Variants in MEGF11 observed in about 807,000 individuals in gnomAD.
The protein encoded by MEGF11 is multiple epidermal growth factor-like domains protein 11.
In MEGF11, 126 loss-of-function variants were observed where a neutral mutation model predicts 146.6. The ratio of observed to expected loss-of-function variants is 0.86; its 90% CI spans 0.74 to 1.00. The LOEUF (loss-of-function observed/expected upper bound fraction) is 1.00. Ranked by LOEUF, MEGF11 falls within the 50% of genes least tolerant of loss-of-function variation. The pLI is 0.00. For synonymous variants in MEGF11, 532 were observed against 583.4 expected, an observed-to-expected ratio of 0.91 and a Z score of 1.27; for missense variants, 1,509 against 1,521.2, an observed-to-expected ratio of 0.99 and a Z score of 0.13.
intron 1 of MEGF11, among the ~76,000 whole-genome samples, chr15:66,151,699 C>G (rs1253485784): frequency 6.6e-6 from 1 of 152,172 alleles, no homozygotes; most frequent in Non-Finnish European, 1.5e-5. Context: ...TTGTTTCCAG[C>G]AGACAAGAGC....
chr15:65,970,737 A>G (rs771447160), intron 7 of MEGF11, 48 bp from the exon 8 acceptor site: 1 of 1,564,190 alleles, frequency 6.4e-7, no homozygotes, highest in Middle Eastern at 1.8e-4. Flanking sequence ...CAGAAATGCC[A>G]AACTTTCCTG....
intron 5 of MEGF11, among the ~76,000 whole-genome samples, chr15:66,055,909 G>C (rs2084656776): frequency 6.6e-6 from 1 of 152,182 alleles, no homozygotes; most frequent in East Asian, 1.9e-4. Context: ...AGAGTCAGGA[G>C]AATGGGCTTT....
At chr15:65,974,924 C>T (rs2081402456) in intron 7 of MEGF11, among the ~76,000 whole-genome samples, 1 of 151,980 alleles carries the variant, frequency 6.6e-6, no homozygotes, top group East Asian at 1.9e-4. Context: ...CGGCTCATGG[C>T]AACCTCCACC....
At chr15:66,179,363 C>G (rs935989000) in intron 1 of MEGF11, among the ~76,000 whole-genome samples, 2 of 152,196 alleles carry the variant, frequency 1.3e-5, no homozygotes, top group African/African-American at 2.4e-5. Flanking sequence ...GAACTCCTGA[C>G]TTCAGGTGAT....
chr15:65,922,662 C>T (rs1008018468), intron 14 of MEGF11, among the ~76,000 whole-genome samples, 161 bp downstream of exon 14: 15 of 152,170 alleles, frequency 9.9e-5, no homozygotes, highest in African/African-American at 3.6e-4. Flanking sequence ...GGCTGGGCCC[C>T]AAACCTGGGG....
intron 19 of MEGF11, among the ~76,000 whole-genome samples, chr15:65,914,341 C>T (rs2078920877): frequency 1.3e-5 from 2 of 152,076 alleles, no homozygotes. Context: ...GGTAATGTGC[C>T]CAAGATTACA....
intron 20 of MEGF11, 88 bp from the exon 21 acceptor site, chr15:65,912,288 T>A: frequency 1.3e-6 from 1 of 792,298 alleles, no homozygotes; most frequent in Non-Finnish European, 1.7e-6. Flanking sequence ...CTGGGAGCCT[T>A]GAGAGAGCCC....
intron 1 of MEGF11, among the ~76,000 whole-genome samples, chr15:66,150,863 AGAGAGAGG>A (rs1432557142): frequency 5.6e-5 from 8 of 142,068 alleles, no homozygotes; most frequent in East Asian, 2.2e-4. Flanking sequence ...AGAGAGAGAG[AGAGAGAGG>A]AAAGAATTTT....
chr15:65,996,360 C>G (rs948865419), intron 5 of MEGF11, among the ~76,000 whole-genome samples: 5 of 152,204 alleles, frequency 3.3e-5, no homozygotes, highest in African/African-American at 1.2e-4. Flanking sequence ...CAAACCAATA[C>G]AGCAAATGAG....
At chr15:66,218,992 A>AAAAAAAAAAAAAAAAAAAAAAAAT (rs1163004634) in intron 1 of MEGF11, among the ~76,000 whole-genome samples, 1 of 151,314 alleles carries the variant, frequency 6.6e-6, no homozygotes, top group African/African-American at 2.4e-5. Context: ...AAAAAAAAAA[A>AAAAAAAAAAAAAAAAAAAAAAAAT]AAAACCTTAA....
At chr15:66,023,528 C>T (rs1339313056) in intron 5 of MEGF11, among the ~76,000 whole-genome samples, 1 of 152,226 alleles carries the variant, frequency 6.6e-6, no homozygotes, top group African/African-American at 2.4e-5. Flanking sequence ...ATCTGTGTGG[C>T]TTTATAAGGC....
intron 1 of MEGF11, among the ~76,000 whole-genome samples, chr15:66,174,661 G>A (rs1022047114): frequency 1.3e-5 from 2 of 151,652 alleles, no homozygotes; most frequent in Non-Finnish European, 2.9e-5. Flanking sequence ...AGAGCCACAG[G>A]GAAGAAGCCC....
chr15:66,130,656 A>G (rs956096274), intron 1 of MEGF11, among the ~76,000 whole-genome samples: 2 of 36,298 alleles, frequency 5.5e-5, no homozygotes, highest in Non-Finnish European at 1.4e-4. Context: ...GAAAGAAATA[A>G]AGAGAAAGGA....
chr15:65,978,607 G>C (rs1241865226), intron 7 of MEGF11, among the ~76,000 whole-genome samples: 1 of 152,234 alleles, frequency 6.6e-6, no homozygotes, highest in Non-Finnish European at 1.5e-5. Flanking sequence ...AAGGGATGCT[G>C]TGTGCTTGTT....
chr15:66,066,959 C>T (rs935895764), intron 5 of MEGF11, among the ~76,000 whole-genome samples: 2 of 152,188 alleles, frequency 1.3e-5, no homozygotes, highest in African/African-American at 4.8e-5. Flanking sequence ...GAGGGTGGAG[C>T]GTGGTCACAG....
At chr15:66,105,856 C>CTA (rs904479172) in intron 4 of MEGF11, among the ~76,000 whole-genome samples, 1 of 152,216 alleles carries the variant, frequency 6.6e-6, no homozygotes, top group Non-Finnish European at 1.5e-5. Flanking sequence ...GAGGCCAAGG[C>CTA]TATAGTCCCT....
intron 15 of MEGF11, among the ~76,000 whole-genome samples, chr15:65,919,585 A>G (rs991456991): frequency 3.9e-5 from 6 of 152,156 alleles, no homozygotes; most frequent in Admixed American, 2.6e-4. Flanking sequence ...GTGGTGTTGG[A>G]AACATGGCAC....
At chr15:65,940,496 G>A (rs576050569) in intron 10 of MEGF11, among the ~76,000 whole-genome samples, 1 of 152,346 alleles carries the variant, frequency 6.6e-6, no homozygotes, top group South Asian at 2.1e-4. Flanking sequence ...TGGCCCACAA[G>A]GCAAACAGAA....
intron 10 of MEGF11, among the ~76,000 whole-genome samples, chr15:65,954,889 C>T (rs938354373): frequency 2.6e-5 from 4 of 152,090 alleles, no homozygotes; most frequent in Non-Finnish European, 4.4e-5. Flanking sequence ...GGAAAGACCC[C>T]CAGCAGACAC....
Sources: allele counts gnomAD v4.1 joint callset (sites outside exome capture counted in the v4.1 genomes callset), GRCh38; gene constraint gnomAD v4.1.1; transcripts MANE v1.5; gene names NCBI Gene and HGNC (gene_info 2026-07-23, HGNC 2026-07-21).